The following UBE2Z variants were observed in gnomAD, a reference collection of about 807,000 sequenced individuals.
The protein encoded by UBE2Z is ubiquitin-conjugating enzyme E2 Z.
UBE2Z carries 10 observed loss-of-function variants against 32.6 expected under a neutral mutation model. The ratio of observed to expected loss-of-function variants is 0.31; its 90% CI spans 0.19 to 0.52. The LOEUF is 0.52. UBE2Z is among the 20% of genes least tolerant of loss of function. The pLI, the probability that UBE2Z is intolerant of heterozygous loss-of-function variation, is 0.97. For missense variants in UBE2Z, 343 were observed against 480.9 expected (o/e 0.71, Z 2.68); for synonymous variants, 183 against 190.8 (o/e 0.96, Z 0.34).
chr17:48,908,865 G>C, intron 1 of UBE2Z, 45 bp downstream of exon 1: 3 of 1,343,890 alleles, frequency 2.2e-6, no homozygotes, highest in Non-Finnish European at 2.9e-6. Context: ...TCCGGGGCTC[G>C]ACCTTCCCCG....
chr17:48,928,830 G>A lies in UBE2Z; in HGVS notation c.*1696G>A, dbSNP rs2040815596. The A allele has an allele frequency of 6.6e-6, 1 of 152,658 alleles. No homozygotes were observed. Among genetic ancestry groups the A allele is most frequent in the South Asian group, 2.1e-4 (1 of 4,836 alleles). 9.5% of individuals were successfully genotyped at this position (152,658 alleles called of 1,614,324 possible). A position where few individuals can be genotyped will look rare whatever the true frequency, so the allele number is the denominator to read the frequency against. Reference sequence around the variant, plus strand: ...TTGGTCTGTGGGTCCAGTGTTGTCTGTCATCCATTTAAGTGTTCCCACTTT... The same window carrying A: ...TTGGTCTGTGGGTCCAGTGTTGTCTATCATCCATTTAAGTGTTCCCACTTT... On this transcript the variant is annotated 3_prime_UTR_variant, in exon 7 of 7. Coordinates refer to ENST00000360943, the MANE Select transcript of UBE2Z (RefSeq NM_023079.5).
rs1289271666 is a variant in UBE2Z, at chr17:48,927,034, A to G, written c.965A>G (p.Gln322Arg). Residue 322 changes from glutamine to arginine, a missense_variant, in exon 7 of 7, where the codon CAG becomes CGG. Physicochemically the swap from Gln to Arg is conservative, Grantham distance 43 (BLOSUM62 1). Coordinates refer to ENST00000360943, the MANE Select transcript of UBE2Z (RefSeq NM_023079.5). ...SLLMRLGLIRQKVLERLHNEN... is the reference protein window; with the variant it reads ...SLLMRLGLIRRKVLERLHNEN... The stretch of plus-strand genomic sequence containing the variant: ...TTGATGCGCCTGGGACTGATACGTC[A>G]GAAAGTGCTGGAGAGGCTCCATAAT... The G allele has an allele frequency of 1.2e-6, 2 of 1,613,896 alleles. No homozygotes were observed. Among genetic ancestry groups the G allele is most frequent in the Non-Finnish European group, 1.7e-6 (2 of 1,179,844 alleles).
rs2040815222 is a variant in UBE2Z, at chr17:48,928,768, C to G, written c.*1634C>G. 1.3e-5 allele frequency: 2 copies of G among 152,688 alleles called. No homozygotes were observed. Among genetic ancestry groups the G allele is most frequent in the Non-Finnish European group, 1.5e-5 (1 of 68,062 alleles). 9.5% of individuals were successfully genotyped at this position (152,688 alleles called of 1,614,324 possible). On this transcript the variant is annotated 3_prime_UTR_variant, in exon 7 of 7. Transcript: ENST00000360943. Reference sequence around the variant, plus strand: ...GACCCTGCTTCCAATTTCCCTCTTCCATTCCTCGAGCTACTCCAGGGCTTA... The same window carrying G: ...GACCCTGCTTCCAATTTCCCTCTTCGATTCCTCGAGCTACTCCAGGGCTTA...
At chr17:48,912,612 C>A in intron 2 of UBE2Z, 1 of 520,238 alleles carries the variant, frequency 1.9e-6, no homozygotes. Flanking sequence ...AGAAGTAACC[C>A]CTGAGTAAGA....
chr17:48,919,780 A>T (rs1315126770), intron 4 of UBE2Z, among the ~76,000 whole-genome samples: 1 of 152,164 alleles, frequency 6.6e-6, no homozygotes, highest in Admixed American at 6.5e-5. Context: ...GCCCAGCCCT[A>T]CTTCTGATTT....
rs2040645498 is a variant in UBE2Z at position 48,908,461 on chromosome 17, G to A, written c.-43G>A. 8 of 1,226,658 alleles carry A rather than the reference G, an allele frequency of 6.5e-6. No individual in the cohort carries two copies. Among genetic ancestry groups the A allele is most frequent in the African/African-American group, 3.1e-5 (2 of 64,186 alleles). The allele number at this position is 1,226,658 out of a possible 1,614,324, so 76.0% of individuals were successfully genotyped here. A position where few individuals can be genotyped will look rare whatever the true frequency, so the allele number is the denominator to read the frequency against. On this transcript the variant is annotated 5_prime_UTR_variant, in exon 1 of 7. Transcript: ENST00000360943. ...GCGGGCGGGAGCAGCGGCCGCTCTG[G>A]TCGGCGGACGTGCTGCCGAGTAGTC...
At position 48,912,879 on chromosome 17, in the gene UBE2Z, G is replaced by C; in HGVS notation, c.436G>C (p.Gly146Arg). 6.2e-7 allele frequency: 1 copy of C among 1,613,808 alleles called. No individual in the cohort carries two copies. The highest frequency in any genetic ancestry group is 8.5e-7 in the Non-Finnish European group (1 of 1,179,850). Residue 146 changes from glycine (G) to arginine (R), a missense_variant, in exon 3 of 7, where the codon GGT (glycine) becomes CGT (arginine). By Grantham distance (125) the Gly-to-Arg change is moderately radical. Coordinates refer to ENST00000360943, the MANE Select transcript of UBE2Z (RefSeq NM_023079.5). Reference protein sequence around the residue: ...TGPFDTPYEGGFFLFVFRCPP... With the variant: ...TGPFDTPYEGRFFLFVFRCPP... Reference sequence around the variant, plus strand: ...CCCATTTGACACTCCTTATGAAGGGGGTTTCTTCCTGTTCGTGTTTCGGTG... The same window carrying C: ...CCCATTTGACACTCCTTATGAAGGGCGTTTCTTCCTGTTCGTGTTTCGGTG...
chr17:48,910,516 T>C (rs1295404766), intron 1 of UBE2Z: 1 of 325,134 alleles, frequency 3.1e-6, no homozygotes, highest in Non-Finnish European at 5.7e-6. Flanking sequence ...AAGTGGAAAG[T>C]GGCTTTTCCA....
At chr17:48,924,355 C>A (rs2040782770) in intron 6 of UBE2Z, among the ~76,000 whole-genome samples, 1 of 152,164 alleles carries the variant, frequency 6.6e-6, no homozygotes, top group Non-Finnish European at 1.5e-5. Flanking sequence ...AAATTCTGTT[C>A]CCAGCCCTGA....
At chr17:48,917,468 A>G (rs1484371214) in intron 4 of UBE2Z, among the ~76,000 whole-genome samples, 1 of 152,066 alleles carries the variant, frequency 6.6e-6, no homozygotes, top group Non-Finnish European at 1.5e-5. Context: ...CTATATTCTC[A>G]GCATCCCCTA....
Position 48,912,824 on chromosome 17 carries a change from T to G in UBE2Z, c.391-10T>G. On this transcript the variant is annotated splice_polypyrimidine_tract_variant and intron_variant, in intron 2 of 6. Coordinates refer to ENST00000360943, the MANE Select transcript of UBE2Z (RefSeq NM_023079.5). ...ACCTCACAATTTTGAGATGGGGTTT[T>G]ATTTTGCAGATTCATGCATTGATCA... is the stretch of plus-strand genomic sequence containing the variant. 2 of 1,613,106 alleles carry G rather than the reference T, an allele frequency of 1.2e-6. No individual in the cohort carries two copies. Among genetic ancestry groups the G allele is most frequent in the Non-Finnish European group, 1.7e-6 (2 of 1,179,200 alleles).
chr17:48,926,380 T>C (rs959131725), intron 6 of UBE2Z, among the ~76,000 whole-genome samples: 5 of 152,172 alleles, frequency 3.3e-5, no homozygotes, highest in South Asian at 2.1e-4. Context: ...CTCACCCTTA[T>C]TGTCCCTTCT....
At chr17:48,925,041 G>C (rs928997835) in intron 6 of UBE2Z, among the ~76,000 whole-genome samples, 4 of 151,810 alleles carry the variant, frequency 2.6e-5, no homozygotes, top group African/African-American at 9.7e-5. Flanking sequence ...CCAGTACTTT[G>C]GTAGGCCGAG....
rs1567779728 is a variant in UBE2Z, at chr17:48,921,271, C to T, written c.802C>T (p.Arg268Ter). ...EGKCPCPEPLRGVMEKSFLEY... is the reference protein window; with the variant it reads ...EGKCPCPEPL ...AAAGTGTCCCTGTCCTGAACCCCTA[C>T]GGTATGTGTCAAGCGGGCTTGCTTG... Residue 268 changes from arginine to a stop codon, truncating the protein, a stop_gained and splice_region_variant, in exon 5 of 7, where the codon CGA becomes TGA. Coordinates refer to ENST00000360943, the MANE Select transcript of UBE2Z (RefSeq NM_023079.5). LOFTEE classifies it high-confidence loss of function. The T allele has an allele frequency of 1.9e-6, 3 of 1,608,498 alleles. No homozygotes were observed. The highest frequency in any genetic ancestry group is 2.5e-6 in the Non-Finnish European group (3 of 1,177,224).
chr17:48,929,023 C>T lies in UBE2Z; in HGVS notation c.*1889C>T, dbSNP rs11557620. On this transcript the variant is annotated 3_prime_UTR_variant, in exon 7 of 7. Transcript: ENST00000360943. ...GAAGTTTTTTTGTTTTTTTTGTTTT[C>T]CTTTTTGGTGCAATAAAGTTTGTTT... 5 of 151,696 alleles carry T rather than the reference C, an allele frequency of 3.3e-5. No individual in the cohort carries two copies. Among genetic ancestry groups the T allele is most frequent in the Admixed American group, 3.3e-4 (5 of 15,218 alleles). 9.4% of individuals were successfully genotyped at this position (151,696 alleles called of 1,614,324 possible).
intron 6 of UBE2Z, among the ~76,000 whole-genome samples, chr17:48,925,018 C>G (rs1039362458): frequency 6.6e-6 from 1 of 151,712 alleles, no homozygotes; most frequent in Non-Finnish European, 1.5e-5. Flanking sequence ...CGCAATGGCT[C>G]ATGCCTGTGA....
At position 48,923,622 on chromosome 17, in the gene UBE2Z, CA is replaced by C. The variant is rs915995872; in HGVS notation, c.894+695del. Among the ~76,000 whole-genome samples, 7 of 72,812 alleles carry C rather than the reference CA, an allele frequency of 9.6e-5. No individual in the cohort carries two copies. The East Asian group carries it at 2.7e-3, about 29-fold the overall frequency. The allele number at this position is 72,812 out of a possible 152,430, so 47.8% of individuals were successfully genotyped here. On this transcript the variant is annotated intron_variant, in intron 6 of 6. Transcript: ENST00000360943. ...GGGCAACAAGAGCGAAACTCGGTCT[CA>C]AAAAAAAAAGCTAAAAGCAACCTAT...
intron 2 of UBE2Z, chr17:48,911,926 A>G (rs1345713093): frequency 2.6e-5 from 4 of 152,188 alleles, no homozygotes; most frequent in Non-Finnish European, 5.9e-5. Flanking sequence ...CTAAATGCCT[A>G]GGAGCCTTTG....
intron 5 of UBE2Z, among the ~76,000 whole-genome samples, chr17:48,921,827 G>A (rs984148884): frequency 3.9e-5 from 6 of 152,114 alleles, no homozygotes; most frequent in Admixed American, 6.5e-5. Flanking sequence ...CCAAGAGTTC[G>A]AGACCAGCCT....
Sources: gnomAD v4.1 joint callset for allele counts (sites outside exome capture counted in the v4.1 genomes callset) on GRCh38, gnomAD v4.1.1 for gene constraint, MANE v1.5 for transcripts, NCBI Gene and HGNC (gene_info 2026-07-23, HGNC 2026-07-21) for gene names.